CLEC2A: variants seen among roughly 807,000 people sequenced by gnomAD.
The protein encoded by CLEC2A is keratinocyte-associated C-type lectin.
A neutral mutation model predicts 18.6 loss-of-function variants in CLEC2A; 19 were observed. The ratio of observed to expected loss-of-function variants is 1.02; its 90% CI spans 0.71 to 1.50. The LOEUF is 1.50. Ranked by LOEUF, CLEC2A falls within the 40% of genes most tolerant of loss-of-function variation. CLEC2A has a pLI of 0.00. For synonymous variants in CLEC2A, 74 were observed against 64.0 expected, an observed-to-expected ratio of 1.16 and a Z score of -0.75; for missense variants, 190 against 207.9, an observed-to-expected ratio of 0.91 and a Z score of 0.53.
the CLEC2A span, among the ~76,000 whole-genome samples, chr12:9,886,686 T>C: frequency 6.7e-6 from 1 of 148,670 alleles, no homozygotes; most frequent in Admixed American, 6.9e-5. Context: ...AAAGACTTTC[T>C]AAGCCATGCT....
chr12:9,878,365 C>T, the CLEC2A span, among the ~76,000 whole-genome samples: 1 of 151,838 alleles, frequency 6.6e-6, no homozygotes. Flanking sequence ...TTTATATGGG[C>T]CAAGGGGAGA....
At chr12:9,895,918 C>T, downstream of CLEC2A, 1 of 1,298,960 alleles carries the variant, frequency 7.7e-7, no homozygotes, top group Non-Finnish European at 1.0e-6. Context: ...AAGTTTCTAA[C>T]AGAAAGTTTC....
intron 2 of CLEC2A, among the ~76,000 whole-genome samples, chr12:9,922,459 AT>A (rs1413030075): frequency 3.9e-5 from 6 of 152,206 alleles, no homozygotes; most frequent in Admixed American, 3.9e-4. Context: ...ATTTTGAGAA[AT>A]GGAACCACTA....
intron 3 of CLEC2A, among the ~76,000 whole-genome samples, chr12:9,919,355 C>A (rs1026272031): frequency 6.6e-6 from 1 of 152,164 alleles, no homozygotes; most frequent in African/African-American, 2.4e-5. Flanking sequence ...CTGCTGTGGG[C>A]CCAAGCTGGA....
At position 9,913,521 on chromosome 12, in the gene CLEC2A, C is replaced by G. The variant is rs1193388246; in HGVS notation, c.*45G>C. 6.6e-7 allele frequency: 1 copy of G among 1,523,074 alleles called. No individual in the cohort carries two copies. The highest frequency in any genetic ancestry group is 8.8e-7 in the Non-Finnish European group (1 of 1,139,136). 94.3% of individuals were successfully genotyped at this position (1,523,074 alleles called of 1,614,324 possible). Reference sequence around the variant, plus strand: ...AGCCACTTTTGCATAATTAGCTCTTCTTTCAATCTTGAAGTGTGATAATCA... The same window carrying G: ...AGCCACTTTTGCATAATTAGCTCTTGTTTCAATCTTGAAGTGTGATAATCA... On this transcript the variant is annotated 3_prime_UTR_variant, in exon 5 of 5. Transcript: ENST00000455827.
chr12:9,878,492 T>G, the CLEC2A span, among the ~76,000 whole-genome samples: 3 of 151,980 alleles, frequency 2.0e-5, no homozygotes, highest in Non-Finnish European at 4.4e-5. Flanking sequence ...ACGCAGGGGG[T>G]TAAACTGACA....
chr12:9,925,051 A>G lies in CLEC2A; in HGVS notation c.139+1209T>C, dbSNP rs575508533. 2.6e-5 allele frequency among the ~76,000 whole-genome samples: 4 copies of G among 152,258 alleles called. No individual in the cohort carries two copies. The South Asian group carries it at 8.3e-4, about 32-fold the overall frequency. ...TACCCAATTAATTACCCTAGATCAA[A>G]CCTCTTTGCCTTGCCACATTTTCAT... On this transcript the variant is annotated intron_variant, in intron 2 of 4. Coordinates refer to ENST00000455827, the MANE Select transcript of CLEC2A (RefSeq NM_001130711.2).
the CLEC2A span, among the ~76,000 whole-genome samples, chr12:9,879,609 G>T: frequency 6.6e-6 from 1 of 152,240 alleles, no homozygotes; most frequent in South Asian, 2.1e-4. Context: ...GGCCCAGAGG[G>T]AACTAAATCA....
chr12:9,891,331 T>C, the CLEC2A span, among the ~76,000 whole-genome samples: 1 of 152,236 alleles, frequency 6.6e-6, no homozygotes, highest in East Asian at 1.9e-4. Context: ...CTTCTTCTTT[T>C]AGAAGATGGG....
rs1863016660 is a variant in CLEC2A, at chr12:9,913,385, A to C, written c.*181T>G. 2 of 1,074,846 alleles carry C rather than the reference A, an allele frequency of 1.9e-6. No homozygotes were observed. The highest frequency in any genetic ancestry group is 3.2e-5 in the African/African-American group (2 of 61,866). 66.6% of individuals were successfully genotyped at this position (1,074,846 alleles called of 1,614,324 possible). On this transcript the variant is annotated 3_prime_UTR_variant, in exon 5 of 5. Transcript: ENST00000455827. ...TGTGCCCTTATAAAAGGCTCCAGAG[A>C]ACGGCCTTGTCTCTTTAACCATGGC...
At chr12:9,909,332 C>T (rs112121072), downstream of CLEC2A, among the ~76,000 whole-genome samples, 4 of 152,172 alleles carry the variant, frequency 2.6e-5, no homozygotes, top group Non-Finnish European at 5.9e-5. Flanking sequence ...ATCTTGGGCA[C>T]GGAATTCCTC....
chr12:9,911,671 TA>T (rs1009877146), downstream of CLEC2A, among the ~76,000 whole-genome samples: 6 of 152,244 alleles, frequency 3.9e-5, no homozygotes, highest in African/African-American at 1.2e-4. Flanking sequence ...ATCTTCCCCT[TA>T]AAAAAATACT....
At chr12:9,884,825 T>C in the CLEC2A span, 1 of 398,186 alleles carries the variant, frequency 2.5e-6, no homozygotes, top group Non-Finnish European at 4.4e-6. Flanking sequence ...TAATCATAAA[T>C]TCTAATGACA....
chr12:9,878,930 C>G, the CLEC2A span, among the ~76,000 whole-genome samples: 1 of 152,018 alleles, frequency 6.6e-6, no homozygotes, highest in African/African-American at 2.4e-5. Flanking sequence ...GTGAGGGAAC[C>G]TGGTGACGAC....
chr12:9,893,349 C>G, the CLEC2A span: 4 of 808,304 alleles, frequency 4.9e-6, no homozygotes, highest in Non-Finnish European at 7.6e-6. Flanking sequence ...TTATTAATGC[C>G]GGCACAGAGA....
At chr12:9,918,111 A>G (rs949911569) in intron 3 of CLEC2A, among the ~76,000 whole-genome samples, 12 of 151,792 alleles carry the variant, frequency 7.9e-5, no homozygotes, top group African/African-American at 2.9e-4. Context: ...ATTAGATAAT[A>G]TTTGTCAATT....
chr12:9,922,042 C>T, intron 3 of CLEC2A, 24 bp downstream of exon 3: 2 of 1,502,052 alleles, frequency 1.3e-6, no homozygotes, highest in Non-Finnish European at 8.9e-7. Flanking sequence ...TCTGAAATTA[C>T]TGAAGACTTT....
the CLEC2A span, among the ~76,000 whole-genome samples, chr12:9,880,522 G>GTGTGTGTGTC: frequency 5.1e-5 from 6 of 118,064 alleles, no homozygotes; most frequent in Non-Finnish European, 8.4e-5. Context: ...CCATTAGCAT[G>GTGTGTGTGTC]TGTGTGTGTG....
At chr12:9,900,669 A>T (rs955918607) in intron 4 of CLEC2A, among the ~76,000 whole-genome samples, 4 of 152,164 alleles carry the variant, frequency 2.6e-5, no homozygotes, top group African/African-American at 9.7e-5. Flanking sequence ...CCCAGGATAA[A>T]CTTGGAGCTT....
Sources: gnomAD v4.1 joint callset for allele counts (sites outside exome capture counted in the v4.1 genomes callset) on GRCh38, gnomAD v4.1.1 for gene constraint, MANE v1.5 for transcripts, NCBI Gene and HGNC (gene_info 2026-07-23, HGNC 2026-07-21) for gene names.